The following KCNG3 variants were observed in gnomAD, a reference collection of about 807,000 sequenced individuals.
KCNG3 encodes potassium voltage-gated channel modifier subfamily G member 3.
Under a neutral mutation model 29.0 loss-of-function variants are expected in KCNG3, and 15 were observed. The observed-to-expected ratio is 0.52, with a 90% confidence interval of 0.35 to 0.80. The LOEUF is 0.80. KCNG3 is among the 30% of genes least tolerant of loss of function. The probability of loss-of-function intolerance (pLI) is 0.01; values close to 1 mark genes in which losing one functional copy is unlikely to be tolerated. For synonymous variants in KCNG3, 322 were observed against 248.9 expected (o/e 1.29, Z -2.76); for missense variants, 512 against 605.7 (o/e 0.85, Z 1.62).
chr2:42,425,282 C>G, the KCNG3 span, among the ~76,000 whole-genome samples: 1 of 150,298 alleles, frequency 6.7e-6, no homozygotes, highest in South Asian at 2.1e-4. Context: ...GCCTGTAGTC[C>G]AAGCTATTGG....
At chr2:42,393,633 C>T in the KCNG3 span, among the ~76,000 whole-genome samples, 1 of 152,112 alleles carries the variant, frequency 6.6e-6, no homozygotes, top group Non-Finnish European at 1.5e-5. Flanking sequence ...TACTGTTAGA[C>T]TTAGACTCCT....
At chr2:42,393,081 T>C in the KCNG3 span, among the ~76,000 whole-genome samples, 2 of 152,150 alleles carry the variant, frequency 1.3e-5, no homozygotes, top group African/African-American at 4.8e-5. Context: ...AATCTCTCTG[T>C]GCCTCATTTC....
At chr2:42,478,956 A>ATT (rs58327433) in intron 1 of KCNG3, among the ~76,000 whole-genome samples, 6 of 143,430 alleles carry the variant, frequency 4.2e-5, no homozygotes, top group African/African-American at 7.7e-5. Context: ...CAGAGTTTGA[A>ATT]TTTTTTTTTT....
the KCNG3 span, among the ~76,000 whole-genome samples, chr2:42,421,154 G>A: frequency 6.6e-6 from 1 of 152,114 alleles, no homozygotes. Flanking sequence ...AAGCACAAAA[G>A]GAAATATGCC....
chr2:42,402,657 T>G, the KCNG3 span, among the ~76,000 whole-genome samples: 1 of 152,236 alleles, frequency 6.6e-6, no homozygotes, highest in Non-Finnish European at 1.5e-5. Context: ...TTATTGAACA[T>G]CCACCCTTTC....
chr2:42,428,195 C>T, the KCNG3 span, among the ~76,000 whole-genome samples: 1 of 151,062 alleles, frequency 6.6e-6, no homozygotes, highest in African/African-American at 2.4e-5. Flanking sequence ...CATGTTGGCT[C>T]ACATCTGTAA....
chr2:42,464,628 A>G (rs1269343794), intron 1 of KCNG3, among the ~76,000 whole-genome samples: 1 of 152,126 alleles, frequency 6.6e-6, no homozygotes, highest in Non-Finnish European at 1.5e-5. Flanking sequence ...TGCTCCAACT[A>G]ATGGAAAGTA....
At chr2:42,390,748 TAACA>T in the KCNG3 span, among the ~76,000 whole-genome samples, 1 of 152,200 alleles carries the variant, frequency 6.6e-6, no homozygotes, top group African/African-American at 2.4e-5. Context: ...CTCGAAAACT[TAACA>T]AATAATCAGT....
the KCNG3 span, among the ~76,000 whole-genome samples, chr2:42,416,841 A>G: frequency 6.6e-6 from 1 of 152,076 alleles, no homozygotes; most frequent in Non-Finnish European, 1.5e-5. Context: ...AAGAAAAAAG[A>G]AATGATAGAT....
chr2:42,390,498 G>T, the KCNG3 span, among the ~76,000 whole-genome samples: 3 of 152,130 alleles, frequency 2.0e-5, no homozygotes, highest in Non-Finnish European at 4.4e-5. Flanking sequence ...ATTCCTGATT[G>T]CTGCATGACC....
intron 1 of KCNG3, among the ~76,000 whole-genome samples, chr2:42,460,631 A>T (rs1429057291): frequency 6.6e-6 from 1 of 152,198 alleles, no homozygotes; most frequent in Non-Finnish European, 1.5e-5. Context: ...GCAAAAACAA[A>T]ATCAGGAAAG....
chr2:42,459,617 A>G (rs1672966360), intron 1 of KCNG3, among the ~76,000 whole-genome samples: 1 of 152,196 alleles, frequency 6.6e-6, no homozygotes, highest in South Asian at 2.1e-4. Flanking sequence ...AATGTATGTC[A>G]GGCTCTACAG....
the KCNG3 span, among the ~76,000 whole-genome samples, chr2:42,419,729 G>C: frequency 6.6e-6 from 1 of 152,132 alleles, no homozygotes; most frequent in African/African-American, 2.4e-5. Context: ...TTCATGTTCT[G>C]GCTCTGTAGA....
the KCNG3 span, among the ~76,000 whole-genome samples, chr2:42,401,151 TA>T: frequency 2.7e-5 from 4 of 149,838 alleles, no homozygotes; most frequent in Non-Finnish European, 4.4e-5. Flanking sequence ...TATATATACA[TA>T]TTTTTTTCCT....
chr2:42,479,973 A>G (rs2103726723), intron 1 of KCNG3, among the ~76,000 whole-genome samples: 1 of 152,282 alleles, frequency 6.6e-6, no homozygotes, highest in African/African-American at 2.4e-5. Context: ...GATTGCATGC[A>G]CCATTGCACT....
chr2:42,474,647 A>G lies in KCNG3; in HGVS notation c.665+18190T>C, dbSNP rs1673378212. On this transcript the variant is annotated intron_variant, in intron 1 of 1. Transcript: ENST00000306078. Reference sequence around the variant, plus strand: ...TCTTTAACAGAAAATTTACATTGCTACTTCTTCTCATATATTTCTATTCTG... The same window carrying G: ...TCTTTAACAGAAAATTTACATTGCTGCTTCTTCTCATATATTTCTATTCTG... Among the ~76,000 whole-genome samples, 4 of 152,174 alleles carry G rather than the reference A, an allele frequency of 2.6e-5. No individual in the cohort carries two copies. The South Asian group carries it at 8.3e-4, about 32-fold the overall frequency.
In KCNG3 at chr2:42,493,764, C is replaced by A. The variant is rs907475747; in HGVS notation, c.-263G>T. On this transcript the variant is annotated 5_prime_UTR_variant, in exon 1 of 2. Transcript: ENST00000306078. ...CGCCGGCGCCAGCGCTGAGCCCCACCGGCTGGGAACGCGGCTGTGTCCGCG... is the reference window on the plus strand; with the variant it reads ...CGCCGGCGCCAGCGCTGAGCCCCACAGGCTGGGAACGCGGCTGTGTCCGCG... 3 of 306,514 alleles carry A rather than the reference C, an allele frequency of 9.8e-6. No homozygotes were observed. Among genetic ancestry groups the A allele is most frequent in the Admixed American group, 1.0e-4 (2 of 19,628 alleles). 19.0% of individuals were successfully genotyped at this position (306,514 alleles called of 1,614,324 possible).
At chr2:42,457,520 T>C (rs1039819197) in intron 1 of KCNG3, among the ~76,000 whole-genome samples, 1 of 151,098 alleles carries the variant, frequency 6.6e-6, no homozygotes, top group Non-Finnish European at 1.5e-5. Flanking sequence ...AACTAGATCA[T>C]GTCACACAGA....
intron 1 of KCNG3, among the ~76,000 whole-genome samples, chr2:42,454,759 G>T (rs543464856): frequency 6.6e-6 from 1 of 151,900 alleles, no homozygotes; most frequent in Non-Finnish European, 1.5e-5. Context: ...GATGAACCTT[G>T]AAGACATTAC....
Sources: allele counts gnomAD v4.1 joint callset (sites outside exome capture counted in the v4.1 genomes callset), GRCh38; gene constraint gnomAD v4.1.1; transcripts MANE v1.5; gene names NCBI Gene and HGNC (gene_info 2026-07-23, HGNC 2026-07-21).